Variants in LPP observed in about 807,000 individuals in gnomAD.
LPP encodes lipoma-preferred partner.
In LPP, 38 loss-of-function variants were observed where a neutral mutation model predicts 60.4. The observed-to-expected ratio is 0.63, with a 90% CI of 0.49 to 0.83. LPP has a LOEUF of 0.83. Among genes scored for constraint, LPP ranks in the 40% least tolerant of loss-of-function variants. The pLI is 0.00. For missense variants in LPP, 902 were observed against 783.6 expected, an observed-to-expected ratio of 1.15 and a Z score of -1.80; for synonymous variants, 328 against 290.8, an observed-to-expected ratio of 1.13 and a Z score of -1.30.
At chr3:188,231,383 A>G (rs373197033) in intron 2 of LPP, among the ~76,000 whole-genome samples, 2 of 152,186 alleles carry the variant, frequency 1.3e-5, no homozygotes, top group East Asian at 1.9e-4. Flanking sequence ...TTACTTGAAG[A>G]CATTTTTGGG....
chr3:188,374,881 A>T (rs1235290731), intron 3 of LPP, among the ~76,000 whole-genome samples: 1 of 152,064 alleles, frequency 6.6e-6, no homozygotes, highest in Non-Finnish European at 1.5e-5. Context: ...GATACGTCCC[A>T]TCAATACCTA....
At chr3:188,489,228 C>A (rs1021737490) in intron 5 of LPP, among the ~76,000 whole-genome samples, 1 of 152,126 alleles carries the variant, frequency 6.6e-6, no homozygotes, top group Non-Finnish European at 1.5e-5. Context: ...GAATCACATT[C>A]GGAAGATGCA....
chr3:188,823,323 G>T (rs965705509), intron 9 of LPP, among the ~76,000 whole-genome samples: 23 of 152,064 alleles, frequency 1.5e-4, no homozygotes, highest in South Asian at 1.2e-3. Flanking sequence ...GCTGCAGCAT[G>T]GTTTATCTTG....
chr3:188,664,574 A>G (rs974622858), intron 7 of LPP, among the ~76,000 whole-genome samples: 1 of 151,762 alleles, frequency 6.6e-6, no homozygotes, highest in African/African-American at 2.4e-5. Flanking sequence ...GTCTTTAGCT[A>G]TTGGTGGGGA....
chr3:188,510,668 G>A (rs1012352866), intron 5 of LPP, among the ~76,000 whole-genome samples: 12 of 152,136 alleles, frequency 7.9e-5, no homozygotes, highest in Non-Finnish European at 1.8e-4. Flanking sequence ...CACCTGCATT[G>A]TCTGACCACA....
chr3:188,168,364 A>G (rs529649608), intron 1 of LPP, among the ~76,000 whole-genome samples: 1 of 152,336 alleles, frequency 6.6e-6, no homozygotes, highest in South Asian at 2.1e-4. Context: ...CTTTTAAACC[A>G]TGGCGACATC....
At chr3:188,443,648 CT>C (rs1402508968) in intron 4 of LPP, among the ~76,000 whole-genome samples, 3 of 152,270 alleles carry the variant, frequency 2.0e-5, no homozygotes, top group Admixed American at 2.0e-4. Flanking sequence ...TTCCAAACGA[CT>C]TTTGCTGATG....
chr3:188,770,945 C>T (rs573755691), intron 9 of LPP, among the ~76,000 whole-genome samples: 85 of 152,182 alleles, frequency 5.6e-4, no homozygotes, highest in Admixed American at 1.0e-3. Context: ...AGTTTGAAAA[C>T]ATTAGCGTGC....
At chr3:188,254,651 A>G (rs1424342353) in intron 2 of LPP, among the ~76,000 whole-genome samples, 1 of 152,224 alleles carries the variant, frequency 6.6e-6, no homozygotes, top group Admixed American at 6.5e-5. Flanking sequence ...AAGGGAGAAC[A>G]TTCTGTGTTC....
At chr3:188,450,094 C>T (rs949075276) in intron 4 of LPP, among the ~76,000 whole-genome samples, 11 of 152,230 alleles carry the variant, frequency 7.2e-5, no homozygotes, top group Middle Eastern at 3.4e-3. Context: ...TGAGCCACCA[C>T]GCCCAACCTG....
At chr3:188,846,169 G>A (rs1761341620) in intron 9 of LPP, among the ~76,000 whole-genome samples, 2 of 152,150 alleles carry the variant, frequency 1.3e-5, no homozygotes, top group African/African-American at 2.4e-5. Flanking sequence ...AGACAAGCAC[G>A]TATACAAAAC....
Position 188,307,817 on chromosome 3 carries a change from AC to A in LPP, c.-66-33845del, listed in dbSNP as rs1577998104. Among the ~76,000 whole-genome samples the A allele has an allele frequency of 3.9e-5, 6 of 152,322 alleles. No homozygotes were observed. In the East Asian group the frequency reaches 1.2e-3, roughly 29 times the overall value. ...ATATGACTTTATTAACACAGGGAAT[AC>A]AGCTGATTATCTCTTAGACATTGTT... On this transcript the variant is annotated intron_variant, in intron 2 of 11. Coordinates refer to ENST00000617246, the MANE Select transcript of LPP (RefSeq NM_001375462.1).
intron 2 of LPP, among the ~76,000 whole-genome samples, chr3:188,281,377 G>A (rs1741979883): frequency 6.6e-6 from 1 of 151,942 alleles, no homozygotes; most frequent in South Asian, 2.1e-4. Context: ...TGAGGCAGAT[G>A]GATCACTTGA....
intron 5 of LPP, among the ~76,000 whole-genome samples, chr3:188,520,601 T>G (rs2150134979): frequency 6.6e-6 from 1 of 152,294 alleles, no homozygotes; most frequent in Non-Finnish European, 1.5e-5. Flanking sequence ...CTTCTCTGCT[T>G]AACTCCTTCT....
intron 4 of LPP, among the ~76,000 whole-genome samples, chr3:188,418,487 T>C (rs1345294486): frequency 1.3e-5 from 2 of 152,172 alleles, no homozygotes; most frequent in Non-Finnish European, 2.9e-5. Flanking sequence ...ACTAGCATAT[T>C]GCAAAGCTGG....
At chr3:188,245,655 CTT>C (rs371005938) in intron 2 of LPP, among the ~76,000 whole-genome samples, 1 of 147,168 alleles carries the variant, frequency 6.8e-6, no homozygotes, top group African/African-American at 2.5e-5. Context: ...TAACCCCACA[CTT>C]TTTTTTTTTT....
In LPP at chr3:188,862,719, ATAAATAAATAAAT is replaced by A. The variant is rs1354889554; in HGVS notation, c.1411-3480_1411-3468del. 3.4e-4 allele frequency among the ~76,000 whole-genome samples: 31 copies of A among 91,172 alleles called. 3 individuals carry two copies. Among genetic ancestry groups the A allele is most frequent in the African/African-American group, 9.1e-4 (25 of 27,400 alleles). 59.8% of individuals were successfully genotyped at this position (91,172 alleles called of 152,430 possible). A position where few individuals can be genotyped will look rare whatever the true frequency, so the allele number is the denominator to read the frequency against. On this transcript the variant is annotated intron_variant, in intron 9 of 11. Coordinates refer to ENST00000617246, the MANE Select transcript of LPP (RefSeq NM_001375462.1). ...GCTGGCAACCCTACTAGACAAAAAA[ATAAATAAATAAAT>A]AAATAAAAGAAAAAAGAAAAGAAAG...
intron 3 of LPP, among the ~76,000 whole-genome samples, chr3:188,351,710 G>T (rs1765891197): frequency 6.6e-6 from 1 of 152,128 alleles, no homozygotes; most frequent in Non-Finnish European, 1.5e-5. Context: ...GCTCTGAAAG[G>T]CACTCGGTAG....
intron 4 of LPP, among the ~76,000 whole-genome samples, chr3:188,446,835 T>C (rs540208199): frequency 3.3e-4 from 50 of 152,356 alleles, no homozygotes; most frequent in African/African-American, 1.2e-3. Flanking sequence ...ATGTCCTTTT[T>C]AGCTCTAAGC....
Sources: gnomAD v4.1 joint callset for allele counts (sites outside exome capture counted in the v4.1 genomes callset) on GRCh38, gnomAD v4.1.1 for gene constraint, MANE v1.5 for transcripts, NCBI Gene and HGNC (gene_info 2026-07-23, HGNC 2026-07-21) for gene names.